Variants in BMI1 observed in about 807,000 individuals in gnomAD.
The protein encoded by BMI1 is polycomb complex protein BMI-1.
Under a neutral mutation model 39.1 loss-of-function variants are expected in BMI1, and 9 were observed. The observed-to-expected ratio is 0.23, with a 90% CI of 0.14 to 0.40. The LOEUF (loss-of-function observed/expected upper bound fraction) is 0.40, where lower values mean the gene tolerates loss of function less well. Among genes scored for constraint, BMI1 ranks in the 10% least tolerant of loss-of-function variants. BMI1 has a pLI of 1.00. For missense variants in BMI1, 252 were observed against 390.8 expected (o/e 0.64, Z 2.99); for synonymous variants, 131 against 127.9 (o/e 1.02, Z -0.16).
chr10:22,327,695 A>C, intron 4 of BMI1, 45 bp downstream of exon 4: 1 of 1,612,942 alleles, frequency 6.2e-7, no homozygotes, highest in Non-Finnish European at 8.5e-7. Context: ...ATTATTCATT[A>C]GTTCTTTGTG....
intron 1 of BMI1, 64 bp from the exon 2 acceptor site, chr10:22,326,367 G>A: frequency 6.3e-7 from 1 of 1,593,610 alleles, no homozygotes; most frequent in Middle Eastern, 1.7e-4. Context: ...TTCAGGGTTT[G>A]TGATTACTAG....
intron 8 of BMI1, 59 bp from the exon 9 acceptor site, chr10:22,328,989 A>G: frequency 2.7e-6 from 4 of 1,489,976 alleles, no homozygotes; most frequent in Non-Finnish European, 3.6e-6. Context: ...TATTTAAATG[A>G]CAAAAAATGT....
chr10:22,328,548 T>A, intron 7 of BMI1, 52 bp from the exon 8 acceptor site: 1 of 1,547,718 alleles, frequency 6.5e-7, no homozygotes, highest in Non-Finnish European at 8.7e-7. Flanking sequence ...ATTGAAACTT[T>A]CTTCATATCT....
In BMI1 at chr10:22,321,403, G is replaced by C. The variant is rs1040696066; in HGVS notation, c.-313G>C. ...GGCGGCGGCGGCCGAGGAGGAGGAG[G>C]AGGAGGCCCCGGAGGAGGAGGCGTT... On this transcript the variant is annotated 5_prime_UTR_variant, in exon 1 of 10. Coordinates refer to ENST00000376663, the MANE Select transcript of BMI1 (RefSeq NM_005180.9). 2.5e-5 allele frequency: 4 copies of C among 162,480 alleles called. No homozygotes were observed. The highest frequency in any genetic ancestry group is 4.0e-5 in the Non-Finnish European group (3 of 75,678). 10.1% of individuals were successfully genotyped at this position (162,480 alleles called of 1,614,324 possible). A position where few individuals can be genotyped will look rare whatever the true frequency, so the allele number is the denominator to read the frequency against.
rs1836251920 is a variant in BMI1 at position 22,330,124 on chromosome 10, A to C, written c.*582A>C. On this transcript the variant is annotated 3_prime_UTR_variant, in exon 10 of 10. Transcript: ENST00000376663. ...AACCGATCAAAGAAAAGTGAACTTC[A>C]GTTTTACAATCTGTATGCCTAAAAG... The C allele has an allele frequency of 6.5e-6, 1 of 153,238 alleles. No homozygotes were observed. Among genetic ancestry groups the C allele is most frequent in the African/African-American group, 2.4e-5 (1 of 41,464 alleles). 9.5% of individuals were successfully genotyped at this position (153,238 alleles called of 1,614,324 possible).
intron 8 of BMI1, 23 bp downstream of exon 8, chr10:22,328,721 T>C: frequency 6.5e-7 from 1 of 1,543,678 alleles, no homozygotes; most frequent in African/African-American, 1.4e-5. Context: ...ATATTCTTCT[T>C]GCATTTTACA....
In BMI1 at chr10:22,330,988, T is replaced by G. The variant is rs1040910186; in HGVS notation, c.*1446T>G. The stretch of plus-strand genomic sequence containing the variant: ...GTATGGGAAAATTGTAGCTAAACAT[T>G]TCATTGTCCCCAGTCTGCAAAAGAA... On this transcript the variant is annotated 3_prime_UTR_variant, in exon 10 of 10. Coordinates refer to ENST00000376663, the MANE Select transcript of BMI1 (RefSeq NM_005180.9). 1 of 152,602 alleles carries G rather than the reference T, an allele frequency of 6.6e-6. No homozygotes were observed. Among genetic ancestry groups the G allele is most frequent in the African/African-American group, 2.4e-5 (1 of 41,454 alleles). The allele number at this position is 152,602 out of a possible 1,614,324, so 9.5% of individuals were successfully genotyped here.
intron 1 of BMI1, among the ~76,000 whole-genome samples, chr10:22,323,487 G>T (rs1324673579): frequency 6.6e-6 from 1 of 152,162 alleles, no homozygotes; most frequent in Non-Finnish European, 1.5e-5. Flanking sequence ...TAACTTCTTG[G>T]ATGTATGTTA....
chr10:22,329,261 A>G lies in BMI1; in HGVS notation c.700A>G (p.Met234Val), dbSNP rs1836233124. The change falls in exon 10 of 10, where the codon ATG becomes GTG. Residue 234 changes from methionine (M) to valine (V), a missense_variant. Met to Val is a conservative substitution (Grantham distance 21). This residue lies in a region of BMI1 where 96 missense variants were observed against 120.2 expected (regional missense o/e 0.80). Transcript: ENST00000376663. ...KYRVRPTCKRMKISHQRDGLT... is the reference protein window; with the variant it reads ...KYRVRPTCKRVKISHQRDGLT... ...CAGAGTTCGACCTACTTGTAAAAGA[A>G]TGAAGATCAGTCACCAGAGAGATGG... 6.2e-7 allele frequency: 1 copy of G among 1,614,104 alleles called. No individual in the cohort carries two copies. Among genetic ancestry groups the G allele is most frequent in the African/African-American group, 1.3e-5 (1 of 74,948 alleles).
At position 22,326,440 on chromosome 10, in the gene BMI1, T is replaced by C. The variant is rs765617203; in HGVS notation, c.-10T>C. The stretch of plus-strand genomic sequence containing the variant: ...TTTCTGTGTCTTGCAGGATTTTTTA[T>C]CAAGCAGAAATGCATCGAACAACGA... On this transcript the variant is annotated 5_prime_UTR_variant, in exon 2 of 10. Coordinates refer to ENST00000376663, the MANE Select transcript of BMI1 (RefSeq NM_005180.9). 7 of 1,612,682 alleles carry C rather than the reference T, an allele frequency of 4.3e-6. No individual in the cohort carries two copies. Among genetic ancestry groups the C allele is most frequent in the Non-Finnish European group, 5.9e-6 (7 of 1,180,014 alleles).
intron 1 of BMI1, chr10:22,325,645 G>A (rs1836127845): frequency 7.1e-6 from 1 of 141,280 alleles, no homozygotes; most frequent in Non-Finnish European, 1.5e-5. Flanking sequence ...CCGCCCGCCC[G>A]CCGCCCCGCA....
In BMI1 at chr10:22,329,774, CTT is replaced by C. The variant is rs912778379; in HGVS notation, c.*236_*237del. On this transcript the variant is annotated 3_prime_UTR_variant, in exon 10 of 10. Transcript: ENST00000376663. ...TTGGTTTCTTGGAAAGCAGGCAAGA[CTT>C]TTTCTCTGTGTTAGGAAAGATGGGA... The C allele has an allele frequency of 1.9e-6, 1 of 536,680 alleles. No individual in the cohort carries two copies. Among genetic ancestry groups the C allele is most frequent in the Non-Finnish European group, 3.2e-6 (1 of 312,448 alleles). 33.2% of individuals were successfully genotyped at this position (536,680 alleles called of 1,614,324 possible). A position where few individuals can be genotyped will look rare whatever the true frequency, so the allele number is the denominator to read the frequency against.
rs1188611677 is a variant in BMI1 at position 22,329,594 on chromosome 10, T to C, written c.*52T>C. The C allele has an allele frequency of 6.4e-7, 1 of 1,561,376 alleles. No homozygotes were observed. Among genetic ancestry groups the C allele is most frequent in the Admixed American group, 1.8e-5 (1 of 54,672 alleles). On this transcript the variant is annotated 3_prime_UTR_variant, in exon 10 of 10. Transcript: ENST00000376663. Reference sequence around the variant, plus strand: ...TTTAAACCCCTGATTTATATAGATATCTTCATGCCATTACAGCTTTCTAGA... The same window carrying C: ...TTTAAACCCCTGATTTATATAGATACCTTCATGCCATTACAGCTTTCTAGA...
intron 7 of BMI1, 65 bp from the exon 8 acceptor site, chr10:22,328,535 C>A (rs554889359): frequency 1.3e-6 from 2 of 1,508,622 alleles, no homozygotes; most frequent in East Asian, 2.4e-5. Context: ...TTCAAGCAAT[C>A]AAATTGAAAC....
intron 9 of BMI1, 39 bp downstream of exon 9, chr10:22,329,167 T>C (rs779652636): frequency 4.2e-5 from 65 of 1,549,224 alleles, no homozygotes; most frequent in Middle Eastern, 1.7e-4. Context: ...GATGGTAAAC[T>C]ATATTTAAAG....
At chr10:22,327,521 G>C in intron 3 of BMI1, 74 bp from the exon 4 acceptor site, 2 of 1,386,740 alleles carry the variant, frequency 1.4e-6, no homozygotes, top group Non-Finnish European at 9.9e-7. Context: ...CACAAAAGAA[G>C]ACTATAGAAA....
rs1383683210 is a variant in BMI1, at chr10:22,329,138, A to G, written c.651+10A>G. The G allele has an allele frequency of 3.7e-6, 6 of 1,611,782 alleles. No individual in the cohort carries two copies. The highest frequency in any genetic ancestry group is 1.7e-5 in the Admixed American group (1 of 59,600). On this transcript the variant is annotated intron_variant, in intron 9 of 9. Coordinates refer to ENST00000376663, the MANE Select transcript of BMI1 (RefSeq NM_005180.9). ...TTATACCTGGAGAAGGGTAAGTAGC[A>G]TATCTGTTGTTAGATTATGATGGTA...
chr10:22,321,177 A>G lies in BMI1; in HGVS notation c.-539A>G, dbSNP rs1477871829. On this transcript the variant is annotated 5_prime_UTR_variant, in exon 1 of 10. Coordinates refer to ENST00000376663, the MANE Select transcript of BMI1 (RefSeq NM_005180.9). The stretch of plus-strand genomic sequence containing the variant: ...CTCCCCTCCCCCCGCTCGCACGCAC[A>G]CACACGGCGCCCCCCGCCCGCCCGC... 3 of 119,444 alleles carry G rather than the reference A, an allele frequency of 2.5e-5. No homozygotes were observed. Among genetic ancestry groups the G allele is most frequent in the East Asian group, 2.7e-4 (1 of 3,772 alleles). The allele number at this position is 119,444 out of a possible 1,614,324, so 7.4% of individuals were successfully genotyped here.
chr10:22,321,357 C>A lies in BMI1; in HGVS notation c.-359C>A. On this transcript the variant is annotated 5_prime_UTR_variant, in exon 1 of 10. Coordinates refer to ENST00000376663, the MANE Select transcript of BMI1 (RefSeq NM_005180.9). The stretch of plus-strand genomic sequence containing the variant: ...CGCGCCCCCTCCGCGCGCGCCCTCC[C>A]CCGAGTGCGGAGCGGGAGGAGGCGG... The A allele has an allele frequency of 6.4e-6, 1 of 156,872 alleles. No individual in the cohort carries two copies. Among genetic ancestry groups the A allele is most frequent in the South Asian group, 1.7e-4 (1 of 6,018 alleles). 9.7% of individuals were successfully genotyped at this position (156,872 alleles called of 1,614,324 possible).
Sources: allele counts gnomAD v4.1 joint callset (sites outside exome capture counted in the v4.1 genomes callset), GRCh38; gene constraint gnomAD v4.1.1; regional missense constraint gnomAD v4.1.1; transcripts MANE v1.5; gene names NCBI Gene and HGNC (gene_info 2026-07-23, HGNC 2026-07-21).